The following BIRC6 variants were observed in gnomAD, a reference collection of about 807,000 sequenced individuals.
BIRC6 encodes the protein dual E2 ubiquitin-conjugating enzyme/E3 ubiquitin-protein ligase BIRC6.
A neutral mutation model predicts 503.3 loss-of-function variants in BIRC6; 98 were observed. The ratio of observed to expected loss-of-function variants is 0.19; its 90% CI spans 0.17 to 0.23. The LOEUF is 0.23. BIRC6 is among the 10% of genes least tolerant of loss of function. The pLI is 1.00. For missense variants in BIRC6, 5,360 were observed against 5,806.0 expected, an observed-to-expected ratio of 0.92 and a Z score of 2.50; for synonymous variants, 2,240 against 2,078.7, an observed-to-expected ratio of 1.08 and a Z score of -2.11.
At chr2:32,609,749 C>CAAA (rs11336710) in intron 72 of BIRC6, among the ~76,000 whole-genome samples, 3 of 115,546 alleles carry the variant, frequency 2.6e-5, no homozygotes, top group African/African-American at 6.2e-5. Context: ...GACTCTGTCT[C>CAAA]AAAAAAAAAA....
intron 10 of BIRC6, among the ~76,000 whole-genome samples, chr2:32,427,046 A>G (rs557769701): frequency 6.6e-6 from 1 of 151,992 alleles, no homozygotes; most frequent in African/African-American, 2.4e-5. Flanking sequence ...TGTCTTCATG[A>G]TGTTCCCTTT....
chr2:32,450,821 A>G (rs2046630194), intron 22 of BIRC6, among the ~76,000 whole-genome samples: 1 of 152,172 alleles, frequency 6.6e-6, no homozygotes, highest in Non-Finnish European at 1.5e-5. Flanking sequence ...TCATTTCTAC[A>G]TCACTTATAA....
chr2:32,518,689 A>G, intron 56 of BIRC6, 128 bp from the exon 57 acceptor site: 4 of 1,147,272 alleles, frequency 3.5e-6, no homozygotes, highest in Non-Finnish European at 4.8e-6. Flanking sequence ...CAACTATGCC[A>G]TATCTAAATT....
chr2:32,440,689 C>A (rs2148285065), intron 16 of BIRC6, among the ~76,000 whole-genome samples: 1 of 151,826 alleles, frequency 6.6e-6, no homozygotes, highest in South Asian at 2.1e-4. Flanking sequence ...AGTGAGTGAA[C>A]CTTAGCGATT....
chr2:32,417,124 A>G (rs535031842), intron 10 of BIRC6, among the ~76,000 whole-genome samples: 52 of 151,654 alleles, frequency 3.4e-4, no homozygotes, highest in Admixed American at 9.2e-4. Flanking sequence ...GGCATGAGCC[A>G]CCATGCCAGG....
chr2:32,387,123 C>T (rs2038582928), intron 3 of BIRC6, among the ~76,000 whole-genome samples: 3 of 152,128 alleles, frequency 2.0e-5, no homozygotes. Context: ...CCCCCATGCA[C>T]AGTCACTGTA....
At chr2:32,565,183 T>C (rs1325024154) in intron 65 of BIRC6, 1 of 152,208 alleles carries the variant, frequency 6.6e-6, no homozygotes, top group Non-Finnish European at 1.5e-5. Context: ...TATTCAAGCT[T>C]TCCTACTAAT....
intron 19 of BIRC6, among the ~76,000 whole-genome samples, chr2:32,442,811 G>A (rs986989727): frequency 1.3e-5 from 2 of 151,934 alleles, no homozygotes; most frequent in African/African-American, 4.8e-5. Flanking sequence ...CAATCTTACC[G>A]ACTTTTTTTT....
chr2:32,369,986 G>GCATA (rs1558541838), intron 1 of BIRC6, among the ~76,000 whole-genome samples: 11 of 34,058 alleles, frequency 3.2e-4, no homozygotes, highest in Middle Eastern at 0.021. Flanking sequence ...ATATATATAT[G>GCATA]TATGTATGTA....
At chr2:32,448,684 G>T in intron 21 of BIRC6, 111 bp from the exon 22 acceptor site, 1 of 852,966 alleles carries the variant, frequency 1.2e-6, no homozygotes, top group Non-Finnish European at 1.8e-6. Flanking sequence ...GGAGAGGGGA[G>T]AGGGAGAGCC....
intron 65 of BIRC6, among the ~76,000 whole-genome samples, chr2:32,552,726 G>A (rs2058506052): frequency 6.6e-6 from 1 of 152,058 alleles, no homozygotes; most frequent in Admixed American, 6.6e-5. Context: ...TTGCATGAGA[G>A]GTGGAGGTTG....
chr2:32,402,715 A>G (rs955398117), intron 8 of BIRC6, among the ~76,000 whole-genome samples: 3 of 152,176 alleles, frequency 2.0e-5, no homozygotes, highest in African/African-American at 4.8e-5. Flanking sequence ...TATTTTGCCA[A>G]TAGGACTAGA....
chr2:32,607,366 A>G lies in BIRC6; in HGVS notation c.14071-89A>G, dbSNP rs2062545770. 3.4e-6 allele frequency: 3 copies of G among 890,246 alleles called. No homozygotes were observed. The South Asian group carries it at 9.6e-5, about 29-fold the overall frequency. The allele number at this position is 890,246 out of a possible 1,614,324, so 55.1% of individuals were successfully genotyped here. ...ATAGAAATTTGTGGAAACACATATT[A>G]AAGAAGAGTCTTTGTGGATAAAGCA... On this transcript the variant is annotated intron_variant, in intron 71 of 73. Transcript: ENST00000421745.
chr2:32,509,203 G>A (rs2054130592), intron 51 of BIRC6, among the ~76,000 whole-genome samples: 1 of 152,092 alleles, frequency 6.6e-6, no homozygotes, highest in South Asian at 2.1e-4. Flanking sequence ...GCCTAAAAAA[G>A]CAAACCCATG....
intron 65 of BIRC6, among the ~76,000 whole-genome samples, chr2:32,572,746 A>G (rs757322386): frequency 6.6e-6 from 1 of 152,314 alleles, no homozygotes; most frequent in Non-Finnish European, 1.5e-5. Flanking sequence ...AAACAAGGGG[A>G]AACAAGGAAA....
intron 23 of BIRC6, among the ~76,000 whole-genome samples, chr2:32,459,781 A>ATT (rs917075616): frequency 6.9e-6 from 1 of 144,322 alleles, no homozygotes; most frequent in Non-Finnish European, 1.5e-5. Flanking sequence ...ATAGTTTTAC[A>ATT]TTTTTTTTTT....
chr2:32,509,705 A>G (rs759067379), intron 51 of BIRC6, 33 bp from the exon 52 acceptor site: 20 of 1,611,578 alleles, frequency 1.2e-5, no homozygotes, highest in Admixed American at 1.7e-5. Flanking sequence ...TGAGCGACTT[A>G]TATTGATCAT....
chr2:32,376,676 A>G (rs1480342055), intron 1 of BIRC6, among the ~76,000 whole-genome samples: 5 of 152,204 alleles, frequency 3.3e-5, no homozygotes, highest in East Asian at 3.8e-4. Flanking sequence ...AAAAAAATTT[A>G]TGTATGAGTG....
In BIRC6 at chr2:32,531,555, A is replaced by C. The variant is rs1200739380; in HGVS notation, c.12291+4A>C. On this transcript the variant is annotated splice_donor_region_variant and intron_variant, in intron 61 of 73. Coordinates refer to ENST00000421745, the MANE Select transcript of BIRC6 (RefSeq NM_016252.4). ...ATATCCAGAAGTAATTCAACAGGTA[A>C]GATAAGATTTCCTAATCGAGTATAT... 6.2e-7 allele frequency: 1 copy of C among 1,603,854 alleles called. No individual in the cohort carries two copies. Among genetic ancestry groups the C allele is most frequent in the East Asian group, 2.2e-5 (1 of 44,714 alleles).
Sources: allele counts gnomAD v4.1 joint callset (sites outside exome capture counted in the v4.1 genomes callset), GRCh38; gene constraint gnomAD v4.1.1; transcripts MANE v1.5; gene names NCBI Gene and HGNC (gene_info 2026-07-23, HGNC 2026-07-21).